ST18: variants seen among roughly 807,000 people sequenced by gnomAD.
ST18 encodes ST18 C2H2C-type zinc finger transcription factor, also known as suppression of tumorigenicity 18 protein.
ST18 carries 50 observed loss-of-function variants against 110.0 expected under a neutral mutation model. The ratio of observed to expected loss-of-function variants is 0.45; its 90% CI spans 0.36 to 0.58. The LOEUF is 0.58. Ranked by LOEUF, ST18 falls within the 20% of genes least tolerant of loss-of-function variation. The pLI, the probability that ST18 is intolerant of heterozygous loss-of-function variation, is 0.00. For missense variants in ST18, 1,306 were observed against 1,280.1 expected (o/e 1.02, Z -0.31); for synonymous variants, 461 against 452.4 (o/e 1.02, Z -0.24).
chr8:52,354,087 A>G (rs993431148), intron 2 of ST18, among the ~76,000 whole-genome samples: 1 of 152,196 alleles, frequency 6.6e-6, no homozygotes, highest in African/African-American at 2.4e-5. Flanking sequence ...AGTTTGAATC[A>G]CTGTCATATA....
chr8:52,397,343 T>C (rs1293549426), intron 2 of ST18, among the ~76,000 whole-genome samples: 3 of 152,226 alleles, frequency 2.0e-5, no homozygotes, highest in Non-Finnish European at 4.4e-5. Context: ...TTTTCTGCTA[T>C]TGAACTATAA....
At chr8:52,189,817 C>G (rs2073872920) in intron 8 of ST18, among the ~76,000 whole-genome samples, 3 of 152,142 alleles carry the variant, frequency 2.0e-5, no homozygotes, top group Admixed American at 2.0e-4. Context: ...CAGGGGGTGT[C>G]CTGGCTTCAC....
chr8:52,210,161 TC>T, intron 8 of ST18: 1 of 455,946 alleles, frequency 2.2e-6, no homozygotes. Context: ...TGCAAACATG[TC>T]CCCCACTTGG....
chr8:52,123,644 C>T (rs1221979302), intron 23 of ST18, among the ~76,000 whole-genome samples: 3 of 152,226 alleles, frequency 2.0e-5, no homozygotes, highest in Non-Finnish European at 4.4e-5. Context: ...TGACACTTGT[C>T]AATGGGTTCA....
intron 2 of ST18, among the ~76,000 whole-genome samples, chr8:52,242,530 G>T (rs908678994): frequency 6.6e-6 from 1 of 152,132 alleles, no homozygotes; most frequent in Non-Finnish European, 1.5e-5. Context: ...AGAATGAAAA[G>T]AATTAATAGA....
At chr8:52,276,228 A>G (rs2095258656) in intron 2 of ST18, among the ~76,000 whole-genome samples, 1 of 2,370 alleles carries the variant, frequency 4.2e-4, no homozygotes, top group South Asian at 0.012. Flanking sequence ...ATTACACACT[A>G]CACACACCAC....
At chr8:52,203,583 G>A (rs747905551) in intron 8 of ST18, among the ~76,000 whole-genome samples, 1 of 152,150 alleles carries the variant, frequency 6.6e-6, no homozygotes, top group Non-Finnish European at 1.5e-5. Context: ...TGAGGTGTCA[G>A]AAACATTATG....
intron 16 of ST18, among the ~76,000 whole-genome samples, chr8:52,146,897 C>T (rs1037138317): frequency 2.0e-5 from 3 of 152,182 alleles, no homozygotes; most frequent in Non-Finnish European, 4.4e-5. Flanking sequence ...GCTTTCCCAA[C>T]CAATGAATCA....
intron 2 of ST18, among the ~76,000 whole-genome samples, chr8:52,362,225 T>G (rs907001685): frequency 1.3e-5 from 2 of 152,210 alleles, no homozygotes; most frequent in Non-Finnish European, 2.9e-5. Context: ...TTAAAATTAT[T>G]CCCTTATATT....
intron 2 of ST18, among the ~76,000 whole-genome samples, chr8:52,370,855 AT>A (rs773976094): frequency 6.6e-6 from 1 of 152,100 alleles, no homozygotes; most frequent in Non-Finnish European, 1.5e-5. Flanking sequence ...CCACCAATTA[AT>A]TTTTGCATGT....
At chr8:52,180,579 C>T (rs531181971) in intron 8 of ST18, among the ~76,000 whole-genome samples, 2 of 151,972 alleles carry the variant, frequency 1.3e-5, no homozygotes, top group East Asian at 1.9e-4. Flanking sequence ...CTTGGCACTA[C>T]ACTAAATACC....
chr8:52,149,353 G>A (rs1007151789), intron 16 of ST18, among the ~76,000 whole-genome samples: 1 of 152,230 alleles, frequency 6.6e-6, no homozygotes, highest in Non-Finnish European at 1.5e-5. Context: ...ACTTGACCCT[G>A]ATTTGATTTC....
chr8:52,257,374 T>G (rs2094558357), intron 2 of ST18, among the ~76,000 whole-genome samples: 1 of 152,208 alleles, frequency 6.6e-6, no homozygotes, highest in African/African-American at 2.4e-5. Flanking sequence ...TTTTTCAATG[T>G]GCCTGCACAA....
At chr8:52,378,859 C>T (rs1222488465) in intron 2 of ST18, among the ~76,000 whole-genome samples, 1 of 152,118 alleles carries the variant, frequency 6.6e-6, no homozygotes, top group Non-Finnish European at 1.5e-5. Flanking sequence ...ACCTCATTTT[C>T]TTGATCTCAT....
At chr8:52,128,639 TC>T (rs1205939846) in intron 22 of ST18, among the ~76,000 whole-genome samples, 1 of 152,188 alleles carries the variant, frequency 6.6e-6, no homozygotes, top group African/African-American at 2.4e-5. Flanking sequence ...TTGTAATGAT[TC>T]CCATTTTGGT....
At chr8:52,349,345 T>C (rs953066415) in intron 2 of ST18, among the ~76,000 whole-genome samples, 2 of 152,184 alleles carry the variant, frequency 1.3e-5, no homozygotes, top group African/African-American at 4.8e-5. Context: ...TTTTTACCTT[T>C]ATTAATCACT....
At chr8:52,124,238 C>CT in intron 23 of ST18, among the ~76,000 whole-genome samples, 1 of 151,610 alleles carries the variant, frequency 6.6e-6, no homozygotes, top group Middle Eastern at 3.4e-3. Flanking sequence ...TGCGGTGGTG[C>CT]TTTTTTGGCT....
At chr8:52,379,287 G>A (rs113077485) in intron 2 of ST18, among the ~76,000 whole-genome samples, 2 of 151,682 alleles carry the variant, frequency 1.3e-5, no homozygotes, top group African/African-American at 4.8e-5. Context: ...TAGTAGAGAC[G>A]GGGTTTCACC....
chr8:52,213,412 G>A (rs1369402798), intron 7 of ST18, among the ~76,000 whole-genome samples: 2 of 146,676 alleles, frequency 1.4e-5, no homozygotes, highest in Non-Finnish European at 3.0e-5. Flanking sequence ...GCAGGGTCAC[G>A]GCTTTGCCAC....
Sources: gnomAD v4.1 joint callset for allele counts (sites outside exome capture counted in the v4.1 genomes callset) on GRCh38, gnomAD v4.1.1 for gene constraint, MANE v1.5 for transcripts, NCBI Gene and HGNC (gene_info 2026-07-23, HGNC 2026-07-21) for gene names.